PDE4D: variants seen among roughly 807,000 people sequenced by gnomAD.
The protein encoded by PDE4D is phosphodiesterase 4D, also known as 3',5'-cyclic-AMP phosphodiesterase 4D.
PDE4D carries 24 observed loss-of-function variants against 87.4 expected under a neutral mutation model. The observed-to-expected ratio is 0.27, with a 90% CI of 0.20 to 0.39. The LOEUF (loss-of-function observed/expected upper bound fraction) is 0.39. Ranked by LOEUF, PDE4D falls within the 10% of genes least tolerant of loss-of-function variation. The probability of loss-of-function intolerance (pLI) is 1.00; values close to 1 mark genes in which losing one functional copy is unlikely to be tolerated. For synonymous variants in PDE4D, 384 were observed against 383.2 expected, an observed-to-expected ratio of 1.00 and a Z score of -0.02; for missense variants, 714 against 1,041.0, an observed-to-expected ratio of 0.69 and a Z score of 4.32.
Position 60,289,988 on chromosome 5 carries a change from T to A in PDE4D, c.-89-104301A>T, listed in dbSNP as rs535120280. On this transcript the variant is annotated intron_variant, in intron 1 of 16. Transcript: ENST00000502484. Reference sequence around the variant, plus strand: ...ATTCCCTGAGTTATTTGGAGAAAGATGAAGTAATTTATGGATGAGGATGAA... The same window carrying A: ...ATTCCCTGAGTTATTTGGAGAAAGAAGAAGTAATTTATGGATGAGGATGAA... 2.6e-4 allele frequency among the ~76,000 whole-genome samples: 39 copies of A among 152,290 alleles called. 1 individual carries two copies. The South Asian group carries it at 7.9e-3, about 31-fold the overall frequency.
At chr5:59,188,564 G>A (rs978204049) in intron 3 of PDE4D, among the ~76,000 whole-genome samples, 6 of 152,000 alleles carry the variant, frequency 3.9e-5, no homozygotes, top group African/African-American at 1.5e-4. Flanking sequence ...AAAAAAAGAG[G>A]AAAATAAATG....
chr5:59,816,508 G>A (rs1044839915), intron 1 of PDE4D, among the ~76,000 whole-genome samples: 6 of 152,162 alleles, frequency 3.9e-5, no homozygotes, highest in African/African-American at 9.7e-5. Context: ...GATAAAATAA[G>A]GCACTTACCA....
At chr5:59,837,222 T>C (rs1425889759) in intron 1 of PDE4D, among the ~76,000 whole-genome samples, 1 of 152,056 alleles carries the variant, frequency 6.6e-6, no homozygotes, top group Non-Finnish European at 1.5e-5. Context: ...CACATATTTA[T>C]TGAGCAACTA....
At chr5:59,383,707 AT>A (rs1387370117) in intron 1 of PDE4D, among the ~76,000 whole-genome samples, 1 of 152,176 alleles carries the variant, frequency 6.6e-6, no homozygotes, top group Non-Finnish European at 1.5e-5. Flanking sequence ...TAATACACAT[AT>A]GAAAAAACCA....
At chr5:60,278,656 A>G (rs1438794368) in intron 1 of PDE4D, among the ~76,000 whole-genome samples, 1 of 148,454 alleles carries the variant, frequency 6.7e-6, no homozygotes, top group Non-Finnish European at 1.5e-5. Context: ...TTATTTTTTT[A>G]TCTCCTGTAT....
At chr5:59,352,236 T>G (rs958651932) in intron 1 of PDE4D, among the ~76,000 whole-genome samples, 6 of 152,164 alleles carry the variant, frequency 3.9e-5, no homozygotes, top group African/African-American at 9.7e-5. Context: ...TGGTCTCTAG[T>G]CCCTGAACCT....
intron 2 of PDE4D, among the ~76,000 whole-genome samples, chr5:60,021,092 C>T (rs943349965): frequency 6.6e-6 from 1 of 152,106 alleles, no homozygotes; most frequent in African/African-American, 2.4e-5. Context: ...CATTTAAGGT[C>T]TCTTTATAAA....
At chr5:59,534,896 C>A (rs867738537) in intron 1 of PDE4D, among the ~76,000 whole-genome samples, 3 of 152,086 alleles carry the variant, frequency 2.0e-5, no homozygotes, top group Admixed American at 1.3e-4. Context: ...ATGTGAGAAA[C>A]CTTTGGGCCA....
chr5:59,837,477 G>A (rs1362384541), intron 1 of PDE4D, among the ~76,000 whole-genome samples: 1 of 152,024 alleles, frequency 6.6e-6, no homozygotes, highest in Non-Finnish European at 1.5e-5. Context: ...CTCCACTAGG[G>A]CAGGAATGTG....
At chr5:58,981,183 T>A (rs2153318452) in intron 11 of PDE4D, among the ~76,000 whole-genome samples, 1 of 152,284 alleles carries the variant, frequency 6.6e-6, no homozygotes, top group African/African-American at 2.4e-5. Context: ...GGGCATCCCT[T>A]AGCCTAGTCA....
At chr5:60,481,282 T>C (rs1748708617) in intron 1 of PDE4D, among the ~76,000 whole-genome samples, 1 of 152,126 alleles carries the variant, frequency 6.6e-6, no homozygotes, top group Non-Finnish European at 1.5e-5. Flanking sequence ...GATGTTTTAT[T>C]AACAGAAAAT....
intron 2 of PDE4D, among the ~76,000 whole-genome samples, chr5:60,149,862 T>C (rs1397067200): frequency 1.4e-5 from 2 of 147,558 alleles, no homozygotes; most frequent in Non-Finnish European, 1.5e-5. Flanking sequence ...TATGTGTATA[T>C]ATGTAGATAT....
intron 1 of PDE4D, among the ~76,000 whole-genome samples, chr5:59,331,557 A>G (rs1292909485): frequency 6.6e-6 from 1 of 152,134 alleles, no homozygotes; most frequent in Non-Finnish European, 1.5e-5. Context: ...TTTGGGTGTG[A>G]CACAATTCAG....
intron 1 of PDE4D, among the ~76,000 whole-genome samples, chr5:60,368,088 G>A (rs933432755): frequency 2.0e-5 from 3 of 152,074 alleles, no homozygotes; most frequent in African/African-American, 7.3e-5. Flanking sequence ...TTTTGTCCAA[G>A]CTGCAAATAT....
chr5:59,775,635 AC>A (rs1764002668), intron 1 of PDE4D, among the ~76,000 whole-genome samples: 1 of 152,212 alleles, frequency 6.6e-6, no homozygotes, highest in Non-Finnish European at 1.5e-5. Flanking sequence ...CATTTAGTGC[AC>A]GAAAGATCTT....
At chr5:60,340,201 C>T (rs925618879) in intron 1 of PDE4D, among the ~76,000 whole-genome samples, 16 of 151,980 alleles carry the variant, frequency 1.1e-4, no homozygotes, top group African/African-American at 3.6e-4. Flanking sequence ...CCTTTTCAGA[C>T]ATTGCATAAG....
intron 2 of PDE4D, among the ~76,000 whole-genome samples, chr5:59,989,608 T>C (rs1762812783): frequency 6.6e-6 from 1 of 152,154 alleles, no homozygotes; most frequent in South Asian, 2.1e-4. Flanking sequence ...CCAGTAGAAC[T>C]GTATTTAAGT....
chr5:59,028,918 C>T (rs1206107072), intron 6 of PDE4D, among the ~76,000 whole-genome samples: 2 of 151,998 alleles, frequency 1.3e-5, no homozygotes, highest in Non-Finnish European at 2.9e-5. Context: ...TTTTGTTATT[C>T]ATTAATTTTA....
chr5:59,737,569 AAATT>A (rs1157462176), intron 1 of PDE4D, among the ~76,000 whole-genome samples: 2 of 152,290 alleles, frequency 1.3e-5, no homozygotes, highest in African/African-American at 4.8e-5. Flanking sequence ...CAAATGTAAG[AAATT>A]AATAACATAA....
Sources: allele counts gnomAD v4.1 joint callset (sites outside exome capture counted in the v4.1 genomes callset), GRCh38; gene constraint gnomAD v4.1.1; transcripts MANE v1.5; gene names NCBI Gene and HGNC (gene_info 2026-07-23, HGNC 2026-07-21).